Variants in HSP90AA1 observed in about 807,000 individuals in gnomAD.
HSP90AA1 encodes the protein heat shock protein HSP 90-alpha.
Under a neutral mutation model 73.3 loss-of-function variants are expected in HSP90AA1, and 18 were observed. The observed-to-expected ratio is 0.25, with a 90% CI of 0.17 to 0.36. The LOEUF is 0.36. HSP90AA1 is among the 10% of genes least tolerant of loss of function. The pLI is 1.00. For missense variants in HSP90AA1, 704 were observed against 874.2 expected (o/e 0.81, Z 2.45); for synonymous variants, 477 against 296.9 (o/e 1.61, Z -6.24).
rs576581900 is a variant in HSP90AA1 at position 102,137,962 on chromosome 14, C to T, written c.155+1288G>A. ...CCTGGGAGGCAGAGGTTGCAGTGAG[C>T]CAAGATTGCACCACTGCACTCCAGC... is the stretch of plus-strand genomic sequence containing the variant. On this transcript the variant is annotated intron_variant, in intron 1 of 11. Transcript: ENST00000334701. Among the ~76,000 whole-genome samples, 8 of 151,476 alleles carry T rather than the reference C, an allele frequency of 5.3e-5. No homozygotes were observed. The South Asian group carries it at 8.4e-4, about 16-fold the overall frequency.
chr14:102,082,863 G>A (rs745684058), intron 9 of HSP90AA1, 171 bp downstream of exon 9: 48 of 694,104 alleles, frequency 6.9e-5, no homozygotes, highest in Middle Eastern at 4.1e-4. Flanking sequence ...CTTGTGATCC[G>A]CTGCCTCAGC....
intron 1 of HSP90AA1, among the ~76,000 whole-genome samples, chr14:102,125,456 C>T (rs943315206): frequency 4.3e-4 from 66 of 152,210 alleles, no homozygotes; most frequent in African/African-American, 1.3e-3. Context: ...AGGAGTGTTT[C>T]GTTTTTGTTA....
chr14:102,118,139 A>G (rs1439805794), intron 1 of HSP90AA1, among the ~76,000 whole-genome samples: 1 of 152,224 alleles, frequency 6.6e-6, no homozygotes, highest in African/African-American at 2.4e-5. Context: ...GGCTGGTAGC[A>G]TGAGCCAAGC....
intron 1 of HSP90AA1, among the ~76,000 whole-genome samples, chr14:102,129,206 A>G (rs571472983): frequency 7.0e-6 from 1 of 141,992 alleles, no homozygotes; most frequent in African/African-American, 2.7e-5. Flanking sequence ...GGGCAATCTC[A>G]GCTCACTGCA....
chr14:102,084,404 T>G lies in HSP90AA1; in HGVS notation c.1142A>C (p.Tyr381Ser), dbSNP rs2049173355. The change falls in exon 6 of 11, where the codon TAT (tyrosine) becomes TCT (serine). Residue 381 changes from tyrosine (Y) to serine (S), a missense_variant. Physicochemically the swap from Tyr to Ser is moderately radical, Grantham distance 144. Transcript: ENST00000216281. ...MDNCEELIPE[Y>S]LNFIRGVVDS... Reference sequence around the variant, plus strand: ...TTTTTCCTATCTATACTTACTCAGATATTCAGGGATTAGCTCCTCACAGTT... The same window carrying G: ...TTTTTCCTATCTATACTTACTCAGAGATTCAGGGATTAGCTCCTCACAGTT... 6.2e-7 allele frequency: 1 copy of G among 1,611,860 alleles called. No individual in the cohort carries two copies. Among genetic ancestry groups the G allele is most frequent in the Admixed American group, 1.7e-5 (1 of 59,994 alleles).
chr14:102,130,913 C>G (rs1188776296), intron 1 of HSP90AA1, among the ~76,000 whole-genome samples: 1 of 151,958 alleles, frequency 6.6e-6, no homozygotes, highest in Non-Finnish European at 1.5e-5. Flanking sequence ...GAGACAAGGT[C>G]TCACCATATT....
intron 1 of HSP90AA1, among the ~76,000 whole-genome samples, chr14:102,123,494 A>G (rs1483045175): frequency 6.6e-6 from 1 of 151,812 alleles, no homozygotes; most frequent in Non-Finnish European, 1.5e-5. Context: ...TTGTTTCTTC[A>G]GAATTTAAGA....
chr14:102,108,581 G>A (rs900291296), intron 1 of HSP90AA1, among the ~76,000 whole-genome samples: 2 of 127,242 alleles, frequency 1.6e-5, no homozygotes, highest in African/African-American at 6.2e-5. Context: ...TGTTGCCCAT[G>A]CTGGAGTGCA....
At chr14:102,088,182 A>G (rs1342890979), upstream of HSP90AA1, among the ~76,000 whole-genome samples, 1 of 152,012 alleles carries the variant, frequency 6.6e-6, no homozygotes, top group Non-Finnish European at 1.5e-5. Flanking sequence ...CCAGGCTGGA[A>G]AAGCCAGTTT....
chr14:102,082,033 G>C (rs370586201), intron 10 of HSP90AA1, 78 bp downstream of exon 10: 13 of 1,053,014 alleles, frequency 1.2e-5, no homozygotes, highest in South Asian at 5.3e-5. Flanking sequence ...TCCAAGTTTG[G>C]ATAACTGAAA....
At position 102,137,250 on chromosome 14, in the gene HSP90AA1, A is replaced by T. The variant is rs529942538; in HGVS notation, c.155+2000T>A. ...AGTGAGACTCCATCTCAAAAAAAAA[A>T]TTTTTTTTTAAATTCCCGGTTTGAA... On this transcript the variant is annotated intron_variant, in intron 1 of 11. Transcript: ENST00000334701. Among the ~76,000 whole-genome samples the T allele has an allele frequency of 1.2e-3, 186 of 151,326 alleles. 2 individuals carry two copies. The highest frequency in any genetic ancestry group is 5.9e-3 in the Admixed American group (89 of 15,156).
chr14:102,139,616 G>C (rs1304140255), exon 1 of HSP90AA1: 5 of 653,860 alleles, frequency 7.6e-6, no homozygotes, highest in Non-Finnish European at 1.3e-5. Flanking sequence ...GCTGCGGAAC[G>C]GTCAACTAGA....
At chr14:102,116,150 T>C (rs1478312445) in intron 1 of HSP90AA1, among the ~76,000 whole-genome samples, 1 of 152,018 alleles carries the variant, frequency 6.6e-6, no homozygotes, top group Non-Finnish European at 1.5e-5. Flanking sequence ...AGACAGGGTT[T>C]CAACGTGTTA....
intron 2 of HSP90AA1, 25 bp downstream of exon 2, chr14:102,086,191 CG>C: frequency 6.2e-7 from 1 of 1,614,008 alleles, no homozygotes; most frequent in Non-Finnish European, 8.5e-7. Flanking sequence ...AACCAAAATC[CG>C]ATTCTGGGTT....
intron 7 of HSP90AA1, 42 bp downstream of exon 7, chr14:102,083,751 C>G: frequency 8.7e-7 from 1 of 1,147,696 alleles, no homozygotes; most frequent in Non-Finnish European, 1.3e-6. Flanking sequence ...AAAAAAAAAA[C>G]TAAAGAGGCC....
chr14:102,086,481 T>G (rs1003541601), intron 1 of HSP90AA1, 103 bp from the exon 2 acceptor site: 2 of 1,367,636 alleles, frequency 1.5e-6, no homozygotes, highest in African/African-American at 1.4e-5. Context: ...AATTGGAGAT[T>G]TGCGAAGTTT....
At chr14:102,087,714 A>G (rs1214614090), upstream of HSP90AA1, among the ~76,000 whole-genome samples, 2 of 152,038 alleles carry the variant, frequency 1.3e-5, no homozygotes, top group African/African-American at 4.8e-5. Context: ...CTCCAGACCC[A>G]CCGCTGGCTC....
chr14:102,083,724 T>G, intron 7 of HSP90AA1, 31 bp from the exon 8 acceptor site: 1 of 1,585,772 alleles, frequency 6.3e-7, no homozygotes, highest in Non-Finnish European at 8.6e-7. Context: ...TACAAAGACT[T>G]TCTGAATTAA....
At chr14:102,097,158 G>C (rs1404166911) in intron 2 of HSP90AA1, among the ~76,000 whole-genome samples, 1 of 152,010 alleles carries the variant, frequency 6.6e-6, no homozygotes, top group Non-Finnish European at 1.5e-5. Flanking sequence ...TGCTAATTTT[G>C]TATTTTTAGT....
Sources: allele counts gnomAD v4.1 joint callset (sites outside exome capture counted in the v4.1 genomes callset), GRCh38; gene constraint gnomAD v4.1.1; transcripts MANE v1.5; gene names NCBI Gene and HGNC (gene_info 2026-07-23, HGNC 2026-07-21).